The following ATP5MC2 variants were observed in gnomAD, a reference collection of about 807,000 sequenced individuals.
ATP5MC2 encodes ATP synthase F(0) complex subunit C2, mitochondrial.
A neutral mutation model predicts 13.5 loss-of-function variants in ATP5MC2; 11 were observed. The ratio of observed to expected loss-of-function variants is 0.81; its 90% CI spans 0.51 to 1.35. ATP5MC2 has a LOEUF of 1.35. ATP5MC2 is among the 40% of genes most tolerant of loss of function. ATP5MC2 has a pLI of 0.00. For synonymous variants in ATP5MC2, 64 were observed against 69.7 expected (o/e 0.92, Z 0.41); for missense variants, 132 against 175.0 (o/e 0.75, Z 1.39).
upstream of ATP5MC2, among the ~76,000 whole-genome samples, chr12:53,677,811 C>T (rs1023101970): frequency 1.3e-5 from 2 of 152,202 alleles, no homozygotes; most frequent in African/African-American, 4.8e-5. Context: ...TGTGGAGATG[C>T]TGTTAGGAGA....
upstream of ATP5MC2, chr12:53,676,332 G>C (rs563727793): frequency 1.1e-5 from 14 of 1,324,730 alleles, no homozygotes; most frequent in East Asian, 3.1e-4. Context: ...GTGGACTGCG[G>C]TTTGGTCTGT....
chr12:53,671,904 G>A (rs1050227115), intron 2 of ATP5MC2, among the ~76,000 whole-genome samples: 5 of 151,870 alleles, frequency 3.3e-5, no homozygotes, highest in African/African-American at 7.3e-5. Context: ...GACCAGCCCG[G>A]CCAACATGGT....
In ATP5MC2 at chr12:53,670,704, C is replaced by T. The variant is rs190882326; in HGVS notation, c.40-756G>A. On this transcript the variant is annotated intron_variant, in intron 2 of 4. Coordinates refer to ENST00000394349, the MANE Select transcript of ATP5MC2 (RefSeq NM_005176.7). ...GTGATCTCGGCTCGGCTCACTACAA[C>T]CTCCACCTCCCAGGTTCAAGCAATT... is the stretch of plus-strand genomic sequence containing the variant. 4.3e-3 allele frequency among the ~76,000 whole-genome samples: 658 copies of T among 151,384 alleles called. 3 individuals carry two copies. The highest frequency in any genetic ancestry group is 6.9e-3 in the Non-Finnish European group (471 of 67,848).
At chr12:53,676,239 CA>C (rs1422066958), upstream of ATP5MC2, 1 of 1,594,328 alleles carries the variant, frequency 6.3e-7, no homozygotes, top group Non-Finnish European at 8.6e-7. Flanking sequence ...CCGGTTGCTC[CA>C]CCTGGCGTTC....
Position 53,669,951 on chromosome 12 carries a change from A to AGCAGGAATGACATACAGGG in ATP5MC2, c.40-22_40-4dup. 6.2e-7 allele frequency: 1 copy of AGCAGGAATGACATACAGGG among 1,614,044 alleles called. No homozygotes were observed. The highest frequency in any genetic ancestry group is 8.5e-7 in the Non-Finnish European group (1 of 1,179,928). Reference sequence around the variant, plus strand: ...AGCAGCTGTGAGGTGCTCTTGACCTAGCAGGAATGACATACAGGGGCAGGA... The same window carrying AGCAGGAATGACATACAGGG: ...AGCAGCTGTGAGGTGCTCTTGACCTAGCAGGAATGACATACAGGGGCAGGAATGACATACAGGGGCAGGA... On this transcript the variant is annotated splice_polypyrimidine_tract_variant and splice_region_variant and intron_variant, in intron 2 of 4. Coordinates refer to ENST00000394349, the MANE Select transcript of ATP5MC2 (RefSeq NM_005176.7).
At chr12:53,667,978 T>C (rs1437864924) in intron 4 of ATP5MC2, among the ~76,000 whole-genome samples, 11 of 60,608 alleles carry the variant, frequency 1.8e-4, no homozygotes, top group African/African-American at 3.8e-4. Flanking sequence ...TATATATATA[T>C]ATATATATAT....
chr12:53,678,398 T>G (rs1945320432), upstream of ATP5MC2, among the ~76,000 whole-genome samples: 1 of 152,018 alleles, frequency 6.6e-6, no homozygotes, highest in Admixed American at 6.6e-5. Context: ...TCATCACTGC[T>G]TCTATAGTTA....
chr12:53,680,774 C>G (rs541013808), upstream of ATP5MC2, among the ~76,000 whole-genome samples: 1 of 152,270 alleles, frequency 6.6e-6, no homozygotes, highest in East Asian at 1.9e-4. Flanking sequence ...TTTTGAGCAT[C>G]TCCTATGTGC....
upstream of ATP5MC2, chr12:53,676,363 C>CAGATCTCGGACG: frequency 1.1e-6 from 1 of 911,458 alleles, no homozygotes; most frequent in Non-Finnish European, 1.6e-6. Flanking sequence ...GGATCTCGGA[C>CAGATCTCGGACG]TTGCGTCCCC....
rs150506573 is a variant in ATP5MC2, at chr12:53,667,697, A to G, written c.311+1451T>C. Among the ~76,000 whole-genome samples the G allele has an allele frequency of 5.0e-3, 764 of 151,836 alleles. 5 individuals carry two copies. The highest frequency in any genetic ancestry group is 0.017 in the African/African-American group (705 of 41,454). The stretch of plus-strand genomic sequence containing the variant: ...TTTTTAGTAGAGAAGGGGTTTCACC[A>G]TGTTGGCCAGGCTAGTCTCGAACTC... On this transcript the variant is annotated intron_variant, in intron 4 of 4. Transcript: ENST00000394349.
At chr12:53,668,549 C>A (rs1485116250) in intron 4 of ATP5MC2, among the ~76,000 whole-genome samples, 1 of 151,390 alleles carries the variant, frequency 6.6e-6, no homozygotes, top group Non-Finnish European at 1.5e-5. Flanking sequence ...AAGCGATTCA[C>A]CTGCCCTGGC....
At chr12:53,666,943 C>CAAAAAAAAA (rs58565014) in intron 4 of ATP5MC2, among the ~76,000 whole-genome samples, 9 of 103,404 alleles carry the variant, frequency 8.7e-5, no homozygotes, top group African/African-American at 2.8e-4. Flanking sequence ...GACTCAGTCT[C>CAAAAAAAAA]AAAAAAAAAA....
At chr12:53,676,121 TGCGTGACCCGGGCCAACGAGTC>T, upstream of ATP5MC2, 2 of 1,614,218 alleles carry the variant, frequency 1.2e-6, no homozygotes, top group South Asian at 2.2e-5. Context: ...GCTCAGCGCA[TGCGTGACCCGGGCCAACGAGTC>T]GCTCAGCCAC....
At chr12:53,675,321 AC>A (rs1397187331) in intron 1 of ATP5MC2, among the ~76,000 whole-genome samples, 1 of 152,028 alleles carries the variant, frequency 6.6e-6, no homozygotes, top group African/African-American at 2.4e-5. Context: ...GCTTGGCCTT[AC>A]CCCACCTTTC....
upstream of ATP5MC2, among the ~76,000 whole-genome samples, chr12:53,680,080 G>C (rs537933832): frequency 6.6e-6 from 1 of 152,260 alleles, no homozygotes; most frequent in Admixed American, 6.5e-5. Context: ...CGACCTCCTG[G>C]GTTCAATTGA....
chr12:53,670,564 A>G (rs1042013237), intron 2 of ATP5MC2, among the ~76,000 whole-genome samples: 1 of 151,636 alleles, frequency 6.6e-6, no homozygotes, highest in African/African-American at 2.4e-5. Flanking sequence ...TGTACCACAC[A>G]TTGCTAGCTT....
upstream of ATP5MC2, among the ~76,000 whole-genome samples, chr12:53,681,329 C>A (rs925098473): frequency 6.6e-6 from 1 of 151,096 alleles, no homozygotes; most frequent in Non-Finnish European, 1.5e-5. Flanking sequence ...AGTTCAAAAC[C>A]AGCCTGGCCA....
intron 3 of ATP5MC2, 128 bp downstream of exon 3, chr12:53,669,743 A>G (rs888280501): frequency 2.0e-6 from 2 of 1,004,804 alleles, no homozygotes; most frequent in Admixed American, 2.1e-5. Flanking sequence ...CCTAAAGCCC[A>G]TGGCCTTGGC....
chr12:53,673,368 CTT>C (rs1945165938), intron 1 of ATP5MC2: 1 of 151,246 alleles, frequency 6.6e-6, no homozygotes, highest in Non-Finnish European at 1.5e-5. Context: ...CCTTTAGAGT[CTT>C]TGTAGTTTTG....
Sources: allele counts gnomAD v4.1 joint callset (sites outside exome capture counted in the v4.1 genomes callset), GRCh38; gene constraint gnomAD v4.1.1; transcripts MANE v1.5; gene names NCBI Gene and HGNC (gene_info 2026-07-23, HGNC 2026-07-21).